The following ANKRD26 variants were observed in gnomAD, a reference collection of about 807,000 sequenced individuals.
The protein encoded by ANKRD26 is ankyrin repeat domain-containing protein 26.
A neutral mutation model predicts 208.7 loss-of-function variants in ANKRD26; 141 were observed. The ratio of observed to expected loss-of-function variants is 0.68; its 90% CI spans 0.59 to 0.78. The LOEUF (loss-of-function observed/expected upper bound fraction) is 0.78. Ranked by LOEUF, ANKRD26 falls within the 30% of genes least tolerant of loss-of-function variation. ANKRD26 has a pLI of 0.00. For missense variants in ANKRD26, 1,889 were observed against 1,938.7 expected (o/e 0.97, Z 0.48); for synonymous variants, 636 against 660.4 (o/e 0.96, Z 0.57).
chr10:27,051,694 C>A, intron 16 of ANKRD26: 1 of 985,264 alleles, frequency 1.0e-6, no homozygotes, highest in Non-Finnish European at 1.2e-6. Context: ...AAGCCATTTT[C>A]GAGACTGAGT....
At chr10:26,951,745 T>C in the ANKRD26 span, among the ~76,000 whole-genome samples, 1 of 152,180 alleles carries the variant, frequency 6.6e-6, no homozygotes, top group Non-Finnish European at 1.5e-5. Flanking sequence ...TGTTGGATAA[T>C]GTTGAATAAT....
At chr10:27,008,428 T>C (rs1020194033) in intron 32 of ANKRD26, among the ~76,000 whole-genome samples, 2 of 152,150 alleles carry the variant, frequency 1.3e-5, no homozygotes, top group Non-Finnish European at 2.9e-5. Flanking sequence ...GAAGTCTTTA[T>C]TGAACGAATC....
Position 27,033,230 on chromosome 10 carries a change from T to C in ANKRD26, c.3802A>G (p.Asn1268Asp). The C allele has an allele frequency of 6.2e-7, 1 of 1,609,294 alleles. No homozygotes were observed. The highest frequency in any genetic ancestry group is 8.5e-7 in the Non-Finnish European group (1 of 1,176,376). ...ATGTTAAATTTCATACATACTTGAT[T>C]TCTGATTTGACCTAATTTCTTCTTT... Reference protein sequence around the residue: ...DLKKKLGQIRNQLQEAQDRHT... With the variant: ...DLKKKLGQIRDQLQEAQDRHT... The change falls in exon 25 of 34, where the codon AAT (asparagine) becomes GAT (aspartate). Residue 1268 changes from asparagine (N) to aspartate (D), a missense_variant. Physicochemically the swap from Asn to Asp is conservative, Grantham distance 23 (BLOSUM62 1). Transcript: ENST00000376087.
chr10:27,013,209 G>C, intron 31 of ANKRD26, 99 bp from the exon 32 acceptor site: 2 of 1,007,002 alleles, frequency 2.0e-6, no homozygotes, highest in Non-Finnish European at 3.1e-6. Context: ...AGGAGTAAAT[G>C]AAATTTCCCA....
chr10:26,951,013 C>CTTTTTTTTTTTTTTTTTTTTTTTT, the ANKRD26 span, among the ~76,000 whole-genome samples: 51 of 100,908 alleles, frequency 5.1e-4, 4 homozygotes, highest in African/African-American at 2.2e-3. Flanking sequence ...CTTTTCTTTT[C>CTTTTTTTTTTTTTTTTTTTTTTTT]TTTTTCTTTT....
At chr10:27,027,186 C>G (rs1433715351) in intron 27 of ANKRD26, among the ~76,000 whole-genome samples, 1 of 152,196 alleles carries the variant, frequency 6.6e-6, no homozygotes, top group Non-Finnish European at 1.5e-5. Context: ...CCTGCTGGAG[C>G]AGCCATTTCT....
chr10:27,065,859 CTTTTTTTTTTTTTTT>C (rs767106612), intron 11 of ANKRD26, among the ~76,000 whole-genome samples: 1 of 72,960 alleles, frequency 1.4e-5, no homozygotes, highest in African/African-American at 5.1e-5. Flanking sequence ...ATAATTCTTT[CTTTTTTTTTTTTTTT>C]TTTTTTTTTT....
At chr10:27,084,218 C>CAAAAAAAAAAAAAAAAAAA (rs1275450082) in intron 5 of ANKRD26, among the ~76,000 whole-genome samples, 2 of 82,452 alleles carry the variant, frequency 2.4e-5, no homozygotes, top group African/African-American at 3.7e-5. Context: ...AACTACATCT[C>CAAAAAAAAAAAAAAAAAAA]AAAAAAAAAA....
At chr10:26,949,175 A>G in the ANKRD26 span, among the ~76,000 whole-genome samples, 1 of 152,218 alleles carries the variant, frequency 6.6e-6, no homozygotes, top group South Asian at 2.1e-4. Context: ...TTACCATTTA[A>G]TCAGCTTACT....
chr10:26,979,705 C>A (rs563567551), intron 5 of ANKRD26, among the ~76,000 whole-genome samples: 1 of 152,178 alleles, frequency 6.6e-6, no homozygotes, highest in South Asian at 2.1e-4. Flanking sequence ...AGAGGTGAAA[C>A]CCTTTAACTT....
intron 9 of ANKRD26, among the ~76,000 whole-genome samples, chr10:27,076,538 T>TACAG (rs927543676): frequency 6.6e-6 from 1 of 152,140 alleles, no homozygotes; most frequent in Admixed American, 6.5e-5. Context: ...GTGCTGGGAT[T>TACAG]ACAGGTGTGA....
chr10:27,087,924 G>A (rs1387023848), intron 4 of ANKRD26, among the ~76,000 whole-genome samples: 1 of 151,950 alleles, frequency 6.6e-6, no homozygotes, highest in African/African-American at 2.4e-5. Flanking sequence ...AGGACTCCAG[G>A]TGCACACCAT....
intron 25 of ANKRD26, chr10:27,030,425 G>A (rs1379421109): frequency 5.1e-6 from 5 of 985,258 alleles, no homozygotes; most frequent in Non-Finnish European, 6.0e-6. Flanking sequence ...GAAAACACTG[G>A]ACTCTGCTGC....
chr10:27,000,940 G>A (rs1320089635), downstream of ANKRD26, among the ~76,000 whole-genome samples: 6 of 152,136 alleles, frequency 3.9e-5, no homozygotes, highest in East Asian at 1.9e-4. Flanking sequence ...CCCAGGAGGC[G>A]GAGCTTGCAG....
chr10:26,997,325 CA>C (rs2052615011), intron 4 of ANKRD26, among the ~76,000 whole-genome samples: 3 of 152,194 alleles, frequency 2.0e-5, no homozygotes, highest in South Asian at 4.1e-4. Context: ...GGATTTATAA[CA>C]GATATGGCTG....
rs2053478622 is a variant in ANKRD26, at chr10:27,021,289, T to C, written c.4215+1269A>G. On this transcript the variant is annotated intron_variant, in intron 29 of 33. Coordinates refer to ENST00000376087, the MANE Select transcript of ANKRD26 (RefSeq NM_014915.3). Reference sequence around the variant, plus strand: ...CCCTTTGATATGCTGATTTCCTTTCTCCTGGATAAATACCTGGTAGTAGAA... The same window carrying C: ...CCCTTTGATATGCTGATTTCCTTTCCCCTGGATAAATACCTGGTAGTAGAA... Among the ~76,000 whole-genome samples the C allele has an allele frequency of 2.0e-5, 3 of 152,246 alleles. No homozygotes were observed. The South Asian group carries it at 6.2e-4, about 31-fold the overall frequency.
chr10:26,971,156 T>A (rs190470401), downstream of ANKRD26, among the ~76,000 whole-genome samples: 48 of 152,154 alleles, frequency 3.2e-4, no homozygotes, highest in Admixed American at 1.9e-3. Flanking sequence ...GAGGCCAAGG[T>A]GGATATCACT....
downstream of ANKRD26, among the ~76,000 whole-genome samples, chr10:27,001,489 G>C (rs1016033101): frequency 6.6e-6 from 1 of 152,192 alleles, no homozygotes; most frequent in Non-Finnish European, 1.5e-5. Context: ...AGATGAACTT[G>C]AGGTGGTGGT....
exon 6 of ANKRD26, among the ~76,000 whole-genome samples, chr10:26,975,017 G>C (rs1468347028): frequency 6.6e-6 from 1 of 152,042 alleles, no homozygotes; most frequent in Non-Finnish European, 1.5e-5. Context: ...AGGGCCTCTT[G>C]TATCACTAGA....
Sources: gnomAD v4.1 joint callset for allele counts (sites outside exome capture counted in the v4.1 genomes callset) on GRCh38, gnomAD v4.1.1 for gene constraint, MANE v1.5 for transcripts, NCBI Gene and HGNC (gene_info 2026-07-23, HGNC 2026-07-21) for gene names.